DLG2: variants seen among roughly 807,000 people sequenced by gnomAD.
The protein encoded by DLG2 is discs large MAGUK scaffold protein 2.
Under a neutral mutation model 132.5 loss-of-function variants are expected in DLG2, and 45 were observed. That is an observed-to-expected ratio of 0.34 (90% CI 0.27 to 0.44). The LOEUF (loss-of-function observed/expected upper bound fraction) is 0.44. Among genes scored for constraint, DLG2 ranks in the 20% least tolerant of loss-of-function variants. The probability of loss-of-function intolerance (pLI) is 1.00; values close to 1 mark genes in which losing one functional copy is unlikely to be tolerated. For missense variants in DLG2, 1,045 were observed against 1,196.9 expected, an observed-to-expected ratio of 0.87 and a Z score of 1.87; for synonymous variants, 424 against 419.6, an observed-to-expected ratio of 1.01 and a Z score of -0.13.
intron 6 of DLG2, among the ~76,000 whole-genome samples, chr11:84,723,160 T>C (rs994668367): frequency 6.6e-6 from 1 of 152,154 alleles, no homozygotes; most frequent in Admixed American, 6.5e-5. Flanking sequence ...AGCCTATAAT[T>C]TGGATTTCAA....
chr11:84,781,258 A>G (rs1294768507), intron 6 of DLG2, among the ~76,000 whole-genome samples: 1 of 152,144 alleles, frequency 6.6e-6, no homozygotes, highest in Non-Finnish European at 1.5e-5. Context: ...GACAGTATAT[A>G]CTTCTGGAGA....
At chr11:84,125,283 A>G (rs2094123101) in intron 9 of DLG2, among the ~76,000 whole-genome samples, 1 of 152,146 alleles carries the variant, frequency 6.6e-6, no homozygotes. Context: ...CACTTATAAT[A>G]CTACAAATCC....
At chr11:85,009,190 C>T (rs1454878132) in intron 6 of DLG2, among the ~76,000 whole-genome samples, 1 of 151,982 alleles carries the variant, frequency 6.6e-6, no homozygotes, top group Non-Finnish European at 1.5e-5. Context: ...CTTAAGAATG[C>T]TTGTATAAGA....
intron 6 of DLG2, among the ~76,000 whole-genome samples, chr11:85,006,877 A>G (rs891984029): frequency 2.0e-5 from 3 of 152,036 alleles, no homozygotes; most frequent in Admixed American, 1.3e-4. Flanking sequence ...AGTGCTACAA[A>G]TTTCCCTCTA....
chr11:84,082,679 G>A (rs759339542), intron 10 of DLG2, among the ~76,000 whole-genome samples: 1 of 152,140 alleles, frequency 6.6e-6, no homozygotes, highest in Non-Finnish European at 1.5e-5. Flanking sequence ...AATTGCAATT[G>A]CAGCCATGTG....
At chr11:84,134,386 G>C (rs917534042) in intron 9 of DLG2, among the ~76,000 whole-genome samples, 37 of 152,208 alleles carry the variant, frequency 2.4e-4, no homozygotes, top group African/African-American at 8.2e-4. Context: ...TTCAATTTGG[G>C]TTAAGAAGTG....
intron 7 of DLG2, among the ~76,000 whole-genome samples, chr11:84,370,783 A>C (rs1490184775): frequency 6.6e-6 from 1 of 152,138 alleles, no homozygotes; most frequent in African/African-American, 2.4e-5. Context: ...TGGTGAACTG[A>C]AAGTATAGGG....
In DLG2 at chr11:84,856,886, T is replaced by G. The variant is rs59868830; in HGVS notation, c.357+254775A>C. 2.6e-5 allele frequency among the ~76,000 whole-genome samples: 4 copies of G among 151,988 alleles called. No individual in the cohort carries two copies. The East Asian group carries it at 7.8e-4, about 29-fold the overall frequency. ...GTAAAGAAAATAAATCTGAGGAGGCTGAAAAAGTAATATAAACAAGTAATA... is the reference window on the plus strand; with the variant it reads ...GTAAAGAAAATAAATCTGAGGAGGCGGAAAAAGTAATATAAACAAGTAATA... On this transcript the variant is annotated intron_variant, in intron 6 of 27. Coordinates refer to ENST00000376104, the MANE Select transcript of DLG2 (RefSeq NM_001142699.3).
Position 83,822,400 on chromosome 11 carries a change from G to A in DLG2, c.1722+11214C>T, listed in dbSNP as rs191533640. On this transcript the variant is annotated intron_variant, in intron 17 of 27. Transcript: ENST00000376104. ...GAGCTCAGTGAGCCAAATAATCCCC[G>A]ATGGTCATTTATCATTTATCTACCC... Among the ~76,000 whole-genome samples the A allele has an allele frequency of 2.0e-5, 3 of 152,176 alleles. No individual in the cohort carries two copies. The East Asian group carries it at 5.8e-4, about 29-fold the overall frequency.
chr11:84,750,023 C>G (rs1386033588), intron 6 of DLG2, among the ~76,000 whole-genome samples: 1 of 152,148 alleles, frequency 6.6e-6, no homozygotes, highest in East Asian at 1.9e-4. Context: ...TTTAATAATA[C>G]ATTTCTATAC....
At chr11:84,808,826 C>G (rs1943704) in intron 6 of DLG2, among the ~76,000 whole-genome samples, 17 of 151,708 alleles carry the variant, frequency 1.1e-4, no homozygotes, top group African/African-American at 3.6e-4. Context: ...AATTCCCAAA[C>G]AAAAAAAGAA....
At chr11:84,718,947 C>T (rs1422612999) in intron 6 of DLG2, among the ~76,000 whole-genome samples, 1 of 152,124 alleles carries the variant, frequency 6.6e-6, no homozygotes, top group Non-Finnish European at 1.5e-5. Flanking sequence ...TGTAACCTAT[C>T]ATATTGAGTA....
chr11:84,712,618 T>C (rs567945084), intron 6 of DLG2, among the ~76,000 whole-genome samples: 66 of 152,202 alleles, frequency 4.3e-4, no homozygotes, highest in African/African-American at 1.5e-3. Context: ...GTTGACTCTA[T>C]CTGCAATCTA....
chr11:84,241,133 T>A (rs113312762), intron 8 of DLG2, among the ~76,000 whole-genome samples: 3,809 of 152,344 alleles, frequency 0.025, 68 homozygotes, highest in Non-Finnish European at 0.038. Flanking sequence ...CTAGACAAAA[T>A]TCTCCCTTTC....
chr11:84,944,814 C>G (rs2049986415), intron 6 of DLG2, among the ~76,000 whole-genome samples: 2 of 152,094 alleles, frequency 1.3e-5, no homozygotes, highest in Non-Finnish European at 2.9e-5. Context: ...CCATGTTAGC[C>G]AGGATGGTCT....
At chr11:84,440,606 A>G (rs2099014358) in intron 7 of DLG2, among the ~76,000 whole-genome samples, 1 of 152,236 alleles carries the variant, frequency 6.6e-6, no homozygotes, top group African/African-American at 2.4e-5. Context: ...TCTGCTGTAT[A>G]AGTAAAACAA....
At chr11:84,356,091 C>T (rs2098609601) in intron 7 of DLG2, among the ~76,000 whole-genome samples, 1 of 152,028 alleles carries the variant, frequency 6.6e-6, no homozygotes, top group Admixed American at 6.6e-5. Flanking sequence ...GGGTATGGGA[C>T]ATGAAAAGAA....
intron 6 of DLG2, among the ~76,000 whole-genome samples, chr11:84,777,239 G>A (rs1205567766): frequency 6.4e-4 from 1 of 1,572 alleles, no homozygotes; most frequent in African/African-American, 2.2e-3. Context: ...TCTTTTTGCT[G>A]TCTAAATAGT....
chr11:85,063,679 G>GT (rs964027417), intron 6 of DLG2, among the ~76,000 whole-genome samples: 5 of 151,606 alleles, frequency 3.3e-5, no homozygotes, highest in South Asian at 2.1e-4. Flanking sequence ...AGCTAAATGA[G>GT]TTTTTTTTCC....
Sources: allele counts gnomAD v4.1 joint callset (sites outside exome capture counted in the v4.1 genomes callset), GRCh38; gene constraint gnomAD v4.1.1; transcripts MANE v1.5; gene names NCBI Gene and HGNC (gene_info 2026-07-23, HGNC 2026-07-21).